Variants in SPEF2 observed in about 807,000 individuals in gnomAD.
The protein encoded by SPEF2 is sperm flagella and cilia-associated protein 2.
In SPEF2, 187 loss-of-function variants were observed where a neutral mutation model predicts 224.6. The ratio of observed to expected loss-of-function variants is 0.83; its 90% CI spans 0.74 to 0.94. The LOEUF (loss-of-function observed/expected upper bound fraction) is 0.94, where lower values mean the gene tolerates loss of function less well. SPEF2 is among the 40% of genes least tolerant of loss of function. The probability of loss-of-function intolerance (pLI) is 0.00; values close to 1 mark genes in which losing one functional copy is unlikely to be tolerated. For synonymous variants in SPEF2, 715 were observed against 707.3 expected (o/e 1.01, Z -0.17); for missense variants, 2,170 against 2,135.6 (o/e 1.02, Z -0.32).
At chr5:35,719,890 G>A (rs764130992) in intron 20 of SPEF2, among the ~76,000 whole-genome samples, 62 of 152,164 alleles carry the variant, frequency 4.1e-4, no homozygotes, top group Non-Finnish European at 8.5e-4. Flanking sequence ...AAAGTGCTGG[G>A]ATTACAAGTG....
At chr5:35,708,881 T>G (rs1740546692) in intron 18 of SPEF2, 67 bp from the exon 19 acceptor site, 1 of 1,371,628 alleles carries the variant, frequency 7.3e-7, no homozygotes, top group Admixed American at 2.2e-5. Flanking sequence ...AGATTTCTCT[T>G]AGTTCAAGTG....
chr5:35,702,106 G>C (rs1204189514), intron 16 of SPEF2: 1 of 413,770 alleles, frequency 2.4e-6, no homozygotes, highest in African/African-American at 2.4e-5. Flanking sequence ...ATAAGCCAAG[G>C]GAGGACAAAT....
intron 18 of SPEF2, among the ~76,000 whole-genome samples, chr5:35,706,568 T>C (rs1367256315): frequency 6.6e-6 from 1 of 152,132 alleles, no homozygotes; most frequent in Non-Finnish European, 1.5e-5. Flanking sequence ...CAAATTATAT[T>C]GGCAACTACT....
chr5:35,789,687 C>T (rs1755683325), intron 30 of SPEF2: 1 of 638,568 alleles, frequency 1.6e-6, no homozygotes, highest in Admixed American at 2.6e-5. Context: ...TAAATTGTGG[C>T]CCACAAAGAT....
intron 26 of SPEF2, among the ~76,000 whole-genome samples, chr5:35,766,465 A>G (rs1306695978): frequency 2.0e-5 from 3 of 152,060 alleles, no homozygotes; most frequent in African/African-American, 7.2e-5. Flanking sequence ...AAAATGGCCT[A>G]CATTTGTGTT....
chr5:35,727,722 T>A lies in SPEF2; in HGVS notation c.2962T>A (p.Ser988Thr). 6.2e-7 allele frequency: 1 copy of A among 1,613,842 alleles called. No homozygotes were observed. The highest frequency in any genetic ancestry group is 8.5e-7 in the Non-Finnish European group (1 of 1,179,860). ...SSGGKVPVKK[S>T]PADSTDTSPV... ...AGGAGGAAAAGTACCAGTAAAGAAA[T>A]CACCTGCTGACTCTACAGATACATC... Residue 988 changes from serine (S) to threonine (T), a missense_variant, in exon 21 of 37, where the codon TCA (serine) becomes ACA (threonine). Ser to Thr is a moderately conservative substitution (Grantham distance 58). Coordinates refer to ENST00000356031, the MANE Select transcript of SPEF2 (RefSeq NM_024867.4).
intron 26 of SPEF2, among the ~76,000 whole-genome samples, chr5:35,767,294 A>G (rs1468704851): frequency 6.6e-6 from 1 of 151,950 alleles, no homozygotes; most frequent in Non-Finnish European, 1.5e-5. Context: ...CTGTATATAT[A>G]GTGCTTTTGT....
chr5:35,639,224 TTTCTCTCTCACCACGAGTCATTGCA>T lies in SPEF2; in HGVS notation c.162-2203_162-2179del, dbSNP rs2149395905. 2.0e-5 allele frequency among the ~76,000 whole-genome samples: 3 copies of T among 152,272 alleles called. No individual in the cohort carries two copies. In the South Asian group the frequency reaches 6.2e-4, roughly 32 times the overall value. On this transcript the variant is annotated intron_variant, in intron 2 of 36. Coordinates refer to ENST00000356031, the MANE Select transcript of SPEF2 (RefSeq NM_024867.4). ...TTGTCATATACTACAAAGGACTAAC[TTTCTCTCTCACCACGAGTCATTGCA>T]TTCCCTAATGTGGGAAGAGGGTCCT...
At chr5:35,661,260 ATATATATATATATATATATAT>A (rs1749669823) in intron 8 of SPEF2, among the ~76,000 whole-genome samples, 1 of 9,114 alleles carries the variant, frequency 1.1e-4, no homozygotes, top group African/African-American at 9.6e-4. Flanking sequence ...TATATTATAT[ATATATATATATATATATATAT>A]ATATATATAT....
At chr5:35,804,409 C>G (rs1346796982) in intron 34 of SPEF2, among the ~76,000 whole-genome samples, 1 of 152,230 alleles carries the variant, frequency 6.6e-6, no homozygotes, top group South Asian at 2.1e-4. Context: ...ACTGGCTTTT[C>G]TCCAAATTGG....
intron 25 of SPEF2, among the ~76,000 whole-genome samples, chr5:35,761,969 G>A (rs1005965813): frequency 2.6e-5 from 4 of 152,018 alleles, no homozygotes; most frequent in African/African-American, 7.3e-5. Context: ...CTATCAACCT[G>A]TCATATATAA....
chr5:35,788,306 T>G, intron 30 of SPEF2: 1 of 703,016 alleles, frequency 1.4e-6, no homozygotes, highest in Non-Finnish European at 2.6e-6. Flanking sequence ...AGATTTTATT[T>G]GGATGTGCAA....
At chr5:35,674,929 C>T (rs554068768) in intron 10 of SPEF2, among the ~76,000 whole-genome samples, 1 of 152,246 alleles carries the variant, frequency 6.6e-6, no homozygotes, top group African/African-American at 2.4e-5. Context: ...ATGGCCTCTT[C>T]TGTTTCTTGC....
At chr5:35,695,168 T>G (rs1012784083) in intron 13 of SPEF2, among the ~76,000 whole-genome samples, 30 of 152,140 alleles carry the variant, frequency 2.0e-4, no homozygotes, top group African/African-American at 6.8e-4. Context: ...TCTTAAGAGA[T>G]AATTTTAGTT....
At chr5:35,662,607 T>C (rs1749898395) in intron 8 of SPEF2, among the ~76,000 whole-genome samples, 1 of 152,148 alleles carries the variant, frequency 6.6e-6, no homozygotes, top group Non-Finnish European at 1.5e-5. Context: ...TTATTGTATA[T>C]GGTGTAAGGG....
At chr5:35,793,727 AAC>A (rs374573342) in intron 32 of SPEF2, among the ~76,000 whole-genome samples, 2,182 of 100,656 alleles carry the variant, frequency 0.022, 50 homozygotes, top group African/African-American at 0.061. Context: ...CAGTGGTTAA[AAC>A]ACACACACAC....
chr5:35,725,659 T>C (rs1263800143), intron 20 of SPEF2, among the ~76,000 whole-genome samples: 1 of 152,208 alleles, frequency 6.6e-6, no homozygotes, highest in Non-Finnish European at 1.5e-5. Flanking sequence ...TACTCAGACC[T>C]TCACTGAGTT....
At chr5:35,810,799 C>T (rs567899958) in intron 36 of SPEF2, among the ~76,000 whole-genome samples, 19 of 152,314 alleles carry the variant, frequency 1.2e-4, no homozygotes, top group East Asian at 7.7e-4. Context: ...CCTGTAGCAC[C>T]TGGCATTCTC....
intron 26 of SPEF2, among the ~76,000 whole-genome samples, chr5:35,769,031 A>G (rs1438744409): frequency 6.6e-6 from 1 of 152,154 alleles, no homozygotes; most frequent in East Asian, 1.9e-4. Flanking sequence ...ATTATGTCTA[A>G]AGTTCTCTCC....
Sources: allele counts gnomAD v4.1 joint callset (sites outside exome capture counted in the v4.1 genomes callset), GRCh38; gene constraint gnomAD v4.1.1; transcripts MANE v1.5; gene names NCBI Gene and HGNC (gene_info 2026-07-23, HGNC 2026-07-21).